Variants in TMEM131L observed in about 807,000 individuals in gnomAD.
TMEM131L encodes transmembrane 131 like, also known as transmembrane protein 131-like.
In TMEM131L, 54 loss-of-function variants were observed where a neutral mutation model predicts 192.2. The observed-to-expected ratio is 0.28, with a 90% CI of 0.23 to 0.35. The LOEUF is 0.35. Among genes scored for constraint, TMEM131L ranks in the 10% least tolerant of loss-of-function variants. The probability of loss-of-function intolerance (pLI) is 1.00; values close to 1 mark genes in which losing one functional copy is unlikely to be tolerated. For synonymous variants in TMEM131L, 701 were observed against 704.9 expected, an observed-to-expected ratio of 0.99 and a Z score of 0.09; for missense variants, 1,888 against 1,972.9, an observed-to-expected ratio of 0.96 and a Z score of 0.82.
intron 3 of TMEM131L, among the ~76,000 whole-genome samples, chr4:153,520,647 G>C (rs1735044825): frequency 6.6e-6 from 1 of 152,216 alleles, no homozygotes; most frequent in Admixed American, 6.5e-5. Flanking sequence ...GGCAAAGTTT[G>C]AAAAGCGCTG....
rs993788114 is a variant in TMEM131L at position 153,621,679 on chromosome 4, C to T, written c.3693-4C>T. The T allele has an allele frequency of 1.1e-5, 18 of 1,612,462 alleles. No individual in the cohort carries two copies. The highest frequency in any genetic ancestry group is 1.3e-5 in the Non-Finnish European group (15 of 1,179,520). On this transcript the variant is annotated splice_polypyrimidine_tract_variant and splice_region_variant and intron_variant, in intron 27 of 34. Transcript: ENST00000409959. ...GTTTTTTTGTGTGTGTGTGTCTTTT[C>T]CAGGCCTCCTGAACAGAGTGATCTA...
rs187595877 is a variant in TMEM131L, at chr4:153,545,705, T to C, written c.240-4368T>C. ...AGGTAAAATCTTAGGCAAAGATCAA[T>C]GTTTTTTCAAAATAAGACATGTGGA... On this transcript the variant is annotated intron_variant, in intron 3 of 34. Transcript: ENST00000409959. Among the ~76,000 whole-genome samples, 316 of 152,254 alleles carry C rather than the reference T, an allele frequency of 2.1e-3. 1 individual carries two copies. Among genetic ancestry groups the C allele is most frequent in the Admixed American group, 4.8e-3 (73 of 15,296 alleles).
intron 17 of TMEM131L, among the ~76,000 whole-genome samples, chr4:153,592,140 A>G (rs1380239623): frequency 6.6e-6 from 1 of 152,132 alleles, no homozygotes; most frequent in Non-Finnish European, 1.5e-5. Context: ...ATATATGTAT[A>G]TATACTACAT....
At chr4:153,582,123 CGTAGA>C (rs1281557249) in intron 9 of TMEM131L, among the ~76,000 whole-genome samples, 3 of 152,178 alleles carry the variant, frequency 2.0e-5, no homozygotes, top group South Asian at 2.1e-4. Flanking sequence ...AAATTCCTAA[CGTAGA>C]GTATACTAGT....
At chr4:153,488,268 ATTAC>A (rs746709089) in intron 3 of TMEM131L, among the ~76,000 whole-genome samples, 1 of 152,124 alleles carries the variant, frequency 6.6e-6, no homozygotes, top group Middle Eastern at 3.2e-3. Context: ...GAGGAAGGAT[ATTAC>A]TTAAGGCAAA....
At chr4:153,482,164 A>C (rs1025989011) in intron 3 of TMEM131L, among the ~76,000 whole-genome samples, 1 of 151,974 alleles carries the variant, frequency 6.6e-6, no homozygotes, top group Non-Finnish European at 1.5e-5. Context: ...TTTTATACTG[A>C]GTTTCTGTAG....
Position 153,603,985 on chromosome 4 carries a change from C to T in TMEM131L, c.2973C>T (p.Ser991=), listed in dbSNP as rs1055925895. Residue 991 remains serine (S), a synonymous_variant, in exon 25 of 35, where the codon AGC becomes AGT. Coordinates refer to ENST00000409959, the MANE Select transcript of TMEM131L (RefSeq NM_001131007.2). Reference sequence around the variant, plus strand: ...TGTATTACAGTAAACACAAAACCAGCACAGCTGCGGCCAGCAGCACCAGCA... The same window carrying T: ...TGTATTACAGTAAACACAAAACCAGTACAGCTGCGGCCAGCAGCACCAGCA... ...CSVYYSKHKT[S]TAAASSTSTT... The T allele has an allele frequency of 6.2e-7, 1 of 1,614,072 alleles. No homozygotes were observed. Among genetic ancestry groups the T allele is most frequent in the Non-Finnish European group, 8.5e-7 (1 of 1,180,000 alleles).
At chr4:153,517,166 A>G (rs1734794551) in intron 3 of TMEM131L, among the ~76,000 whole-genome samples, 1 of 152,176 alleles carries the variant, frequency 6.6e-6, no homozygotes, top group African/African-American at 2.4e-5. Context: ...CCAAATTGGT[A>G]TTATATACTT....
chr4:153,549,242 C>T (rs2150397283), intron 3 of TMEM131L, among the ~76,000 whole-genome samples: 1 of 152,310 alleles, frequency 6.6e-6, no homozygotes. Flanking sequence ...GCTGGAATTA[C>T]AAGCATGAGC....
chr4:153,534,694 A>G (rs1226808757), intron 3 of TMEM131L, among the ~76,000 whole-genome samples: 2 of 152,114 alleles, frequency 1.3e-5, no homozygotes, highest in South Asian at 2.1e-4. Context: ...CGGCCTCCCA[A>G]TGTGCTAGGA....
chr4:153,525,812 A>C (rs985584331), intron 3 of TMEM131L, among the ~76,000 whole-genome samples: 3 of 152,136 alleles, frequency 2.0e-5, no homozygotes, highest in African/African-American at 7.2e-5. Context: ...GATGCTGATT[A>C]AGTAGGTCTG....
intron 4 of TMEM131L, among the ~76,000 whole-genome samples, chr4:153,554,441 G>A (rs765854812): frequency 3.9e-5 from 6 of 152,162 alleles, no homozygotes; most frequent in Non-Finnish European, 8.8e-5. Flanking sequence ...AAAAGGAAGG[G>A]TGAAAGCCAA....
intron 3 of TMEM131L, among the ~76,000 whole-genome samples, chr4:153,531,990 T>C (rs866877390): frequency 1.3e-5 from 2 of 152,204 alleles, no homozygotes; most frequent in Middle Eastern, 3.2e-3. Flanking sequence ...AAGAAGGAAA[T>C]CACCATTGTT....
At chr4:153,485,219 C>A (rs1447488962) in intron 3 of TMEM131L, among the ~76,000 whole-genome samples, 1 of 149,598 alleles carries the variant, frequency 6.7e-6, no homozygotes, top group African/African-American at 2.5e-5. Flanking sequence ...TCTTCTAGTA[C>A]AATTTATGTT....
At chr4:153,529,688 G>T (rs142546202) in intron 3 of TMEM131L, among the ~76,000 whole-genome samples, 369 of 152,278 alleles carry the variant, frequency 2.4e-3, no homozygotes, top group East Asian at 0.016. Context: ...TTTATGTCAC[G>T]CTGTGGTATA....
chr4:153,608,611 T>C (rs1196228422), intron 25 of TMEM131L, among the ~76,000 whole-genome samples: 1 of 152,234 alleles, frequency 6.6e-6, no homozygotes, highest in Non-Finnish European at 1.5e-5. Context: ...AGCTTAACAG[T>C]ACCTGAAAGT....
Position 153,467,231 on chromosome 4 carries a change from G to A in TMEM131L, c.145G>A (p.Val49Met), listed in dbSNP as rs1730825523. The A allele has an allele frequency of 1.9e-6, 3 of 1,551,756 alleles. No homozygotes were observed. Among genetic ancestry groups the A allele is most frequent in the Non-Finnish European group, 2.6e-6 (3 of 1,146,988 alleles). ...QGQAIEPLPN[V>M]VELWQAEEGE... ...TGCAGCGATTGAGCCGTTGCCGAACGTGGTGGAGCTGTGGCAGGCAGAAGA... is the reference window on the plus strand; with the variant it reads ...TGCAGCGATTGAGCCGTTGCCGAACATGGTGGAGCTGTGGCAGGCAGAAGA... Residue 49 changes from valine to methionine, a missense_variant, in exon 2 of 35, where the codon GTG (valine) becomes ATG (methionine). Physicochemically the swap from Val to Met is conservative, Grantham distance 21. Coordinates refer to ENST00000409959, the MANE Select transcript of TMEM131L (RefSeq NM_001131007.2).
At chr4:153,568,468 C>G (rs1371550405) in intron 7 of TMEM131L, among the ~76,000 whole-genome samples, 2 of 152,158 alleles carry the variant, frequency 1.3e-5, no homozygotes, top group Non-Finnish European at 1.5e-5. Flanking sequence ...TGACTAGTTC[C>G]TTACTGAAAA....
intron 3 of TMEM131L, among the ~76,000 whole-genome samples, chr4:153,537,455 G>C (rs1259645536): frequency 6.6e-6 from 1 of 152,216 alleles, no homozygotes. Flanking sequence ...AGGGCTGCTG[G>C]TTGCCCATTT....
Sources: allele counts gnomAD v4.1 joint callset (sites outside exome capture counted in the v4.1 genomes callset), GRCh38; gene constraint gnomAD v4.1.1; transcripts MANE v1.5; gene names NCBI Gene and HGNC (gene_info 2026-07-23, HGNC 2026-07-21).